CHST8: variants seen among roughly 807,000 people sequenced by gnomAD.
CHST8 encodes carbohydrate sulfotransferase 8.
Under a neutral mutation model 15.0 loss-of-function variants are expected in CHST8, and 10 were observed. The ratio of observed to expected loss-of-function variants is 0.67; its 90% CI spans 0.41 to 1.13. The LOEUF (loss-of-function observed/expected upper bound fraction) is 1.13, where lower values mean the gene tolerates loss of function less well. Ranked by LOEUF, CHST8 falls within the 50% of genes most tolerant of loss-of-function variation. The probability of loss-of-function intolerance (pLI) is 0.00; values close to 1 mark genes in which losing one functional copy is unlikely to be tolerated. For missense variants in CHST8, 634 were observed against 608.2 expected (o/e 1.04, Z -0.45); for synonymous variants, 259 against 256.6 (o/e 1.01, Z -0.09).
At chr19:33,650,495 CTTTTTCTTTTTCTTTTTCTTTTCTTTTT>C (rs1480960617) in intron 1 of CHST8, among the ~76,000 whole-genome samples, 139 of 44,114 alleles carry the variant, frequency 3.2e-3, no homozygotes, top group African/African-American at 0.012. Flanking sequence ...TTTTTCTTTT[CTTTTTCTTTTTCTTTTTCTTTTCTTTTT>C]TTTTTTTTTT....
At chr19:33,627,244 G>T (rs1158741489) in intron 1 of CHST8, among the ~76,000 whole-genome samples, 1 of 151,378 alleles carries the variant, frequency 6.6e-6, no homozygotes, top group African/African-American at 2.4e-5. Context: ...AGGATTACAG[G>T]CATGCACCAC....
chr19:33,772,410 G>C lies in CHST8; in HGVS notation c.622G>C (p.Val208Leu). 6.2e-7 allele frequency: 1 copy of C among 1,610,218 alleles called. No homozygotes were observed. The highest frequency in any genetic ancestry group is 8.5e-7 in the Non-Finnish European group (1 of 1,179,734). ...PKAGCSNWKR[V>L]LMVLAGLASS... ...GGCCGGCTGCTCCAATTGGAAGCGG[G>C]TGCTCATGGTGCTGGCCGGCCTGGC... The change falls in exon 5 of 5, where the codon GTG becomes CTG. Residue 208 changes from valine to leucine, a missense_variant. Coordinates refer to ENST00000650847, the MANE Select transcript of CHST8 (RefSeq NM_001127895.2).
intron 3 of CHST8, among the ~76,000 whole-genome samples, chr19:33,736,812 T>C (rs921877599): frequency 3.3e-5 from 5 of 152,090 alleles, no homozygotes; most frequent in African/African-American, 1.2e-4. Flanking sequence ...CCAACATTCA[T>C]GAAGGAATGC....
At chr19:33,698,570 G>A (rs865805591) in intron 3 of CHST8, among the ~76,000 whole-genome samples, 1 of 152,020 alleles carries the variant, frequency 6.6e-6, no homozygotes, top group Non-Finnish European at 1.5e-5. Flanking sequence ...GAGGTGAGGA[G>A]GGCGGGGAGG....
intron 1 of CHST8, among the ~76,000 whole-genome samples, chr19:33,634,475 A>G (rs1279615898): frequency 6.6e-6 from 1 of 151,972 alleles, no homozygotes; most frequent in Non-Finnish European, 1.5e-5. Flanking sequence ...GCGGGTTTGA[A>G]TCTCCCAGGC....
Position 33,667,776 on chromosome 19 carries a change from TC to T in CHST8, c.-153del, listed in dbSNP as rs1972681651. On this transcript the variant is annotated 5_prime_UTR_variant, in exon 2 of 5. Transcript: ENST00000650847. ...ATTTATTTTTTTTTAGGTTTAAAGG[TC>T]AACAAGAATATCTTACCTTAATTTG... The T allele has an allele frequency of 6.6e-6, 1 of 151,992 alleles. No individual in the cohort carries two copies. The highest frequency in any genetic ancestry group is 2.4e-5 in the African/African-American group (1 of 41,364). 9.4% of individuals were successfully genotyped at this position (151,992 alleles called of 1,614,324 possible). A position where few individuals can be genotyped will look rare whatever the true frequency, so the allele number is the denominator to read the frequency against.
chr19:33,726,406 C>CA (rs1973899879), intron 3 of CHST8, among the ~76,000 whole-genome samples: 1 of 152,094 alleles, frequency 6.6e-6, no homozygotes, highest in Non-Finnish European at 1.5e-5. Flanking sequence ...ACCCATAATA[C>CA]AAAAATTAGC....
At chr19:33,671,679 C>T (rs757824471) in intron 2 of CHST8, among the ~76,000 whole-genome samples, 1 of 151,740 alleles carries the variant, frequency 6.6e-6, no homozygotes, top group Non-Finnish European at 1.5e-5. Context: ...CCCACATACT[C>T]ACCTTTGGCC....
At chr19:33,699,777 T>C (rs1454727633) in intron 3 of CHST8, among the ~76,000 whole-genome samples, 1 of 152,188 alleles carries the variant, frequency 6.6e-6, no homozygotes, top group East Asian at 1.9e-4. Flanking sequence ...GCCCTGCCTG[T>C]GCCTGTTCGG....
chr19:33,625,693 C>G (rs936310681), intron 1 of CHST8, among the ~76,000 whole-genome samples: 1 of 151,998 alleles, frequency 6.6e-6, no homozygotes. Flanking sequence ...GAAACCCAGT[C>G]TCTACTAAAA....
intron 2 of CHST8, among the ~76,000 whole-genome samples, chr19:33,684,078 C>T (rs1306496729): frequency 2.6e-5 from 4 of 152,228 alleles, no homozygotes; most frequent in Admixed American, 1.3e-4. Flanking sequence ...AGGCCCCCCT[C>T]GCTGTGGCTG....
At chr19:33,646,357 T>A (rs748323855) in intron 1 of CHST8, among the ~76,000 whole-genome samples, 3 of 151,828 alleles carry the variant, frequency 2.0e-5, no homozygotes, top group Non-Finnish European at 4.4e-5. Flanking sequence ...CGGGTGGGGG[T>A]CACAAGATCA....
At chr19:33,661,457 A>T (rs1343796323) in intron 1 of CHST8, among the ~76,000 whole-genome samples, 1 of 152,162 alleles carries the variant, frequency 6.6e-6, no homozygotes, top group African/African-American at 2.4e-5. Flanking sequence ...GGTCACCTTT[A>T]TGGGGGTAAC....
At position 33,704,459 on chromosome 19, in the gene CHST8, C is replaced by G. The variant is rs1209210883; in HGVS notation, c.130+15068C>G. Among the ~76,000 whole-genome samples the G allele has an allele frequency of 2.0e-5, 3 of 152,222 alleles. No homozygotes were observed. The East Asian group carries it at 5.8e-4, about 29-fold the overall frequency. ...CAGAGCCACAGGGAGCGGGAGACCACAGGATGGGGGAAAGGGGATGGGGTG... is the reference window on the plus strand; with the variant it reads ...CAGAGCCACAGGGAGCGGGAGACCAGAGGATGGGGGAAAGGGGATGGGGTG... On this transcript the variant is annotated intron_variant, in intron 3 of 4. Coordinates refer to ENST00000650847, the MANE Select transcript of CHST8 (RefSeq NM_001127895.2).
chr19:33,757,536 G>C (rs1568358901), intron 3 of CHST8, among the ~76,000 whole-genome samples: 2 of 68,378 alleles, frequency 2.9e-5, no homozygotes, highest in Non-Finnish European at 5.9e-5. Context: ...AAGAAAGAAA[G>C]AAAGAAAGAA....
intron 1 of CHST8, among the ~76,000 whole-genome samples, chr19:33,659,747 G>C (rs1360256444): frequency 6.6e-5 from 10 of 152,116 alleles, no homozygotes; most frequent in Admixed American, 6.5e-4. Flanking sequence ...GGAGGTGGAG[G>C]CTGCAGTGAG....
chr19:33,690,754 A>G lies in CHST8; in HGVS notation c.130+1363A>G, dbSNP rs945687693. Among the ~76,000 whole-genome samples, 22 of 152,330 alleles carry G rather than the reference A, an allele frequency of 1.4e-4. No homozygotes were observed. In the Middle Eastern group the frequency reaches 0.01, roughly 71 times the overall value. On this transcript the variant is annotated intron_variant, in intron 3 of 4. Transcript: ENST00000650847. ...GCCGGCTCTCCTGTGGGAGCTTTGC[A>G]GCCTCACATGAGCCCCAGAACAGCT...
At chr19:33,675,135 C>G (rs1165144302) in intron 2 of CHST8, among the ~76,000 whole-genome samples, 1 of 152,208 alleles carries the variant, frequency 6.6e-6, no homozygotes, top group East Asian at 1.9e-4. Context: ...TCCCTCTTGT[C>G]TCCTACTCAC....
intron 3 of CHST8, among the ~76,000 whole-genome samples, chr19:33,742,844 G>T (rs989348122): frequency 6.6e-6 from 1 of 152,162 alleles, no homozygotes; most frequent in Admixed American, 6.5e-5. Context: ...AGTAGGACAA[G>T]TGTGCACACT....
Sources: allele counts gnomAD v4.1 joint callset (sites outside exome capture counted in the v4.1 genomes callset), GRCh38; gene constraint gnomAD v4.1.1; transcripts MANE v1.5; gene names NCBI Gene and HGNC (gene_info 2026-07-23, HGNC 2026-07-21).